Variants in CCNT2 observed in about 807,000 individuals in gnomAD.
The protein encoded by CCNT2 is cyclin T2.
Under a neutral mutation model 70.0 loss-of-function variants are expected in CCNT2, and 18 were observed. That is an observed-to-expected ratio of 0.26 (90% CI 0.18 to 0.38). The LOEUF (loss-of-function observed/expected upper bound fraction) is 0.38. CCNT2 is among the 10% of genes least tolerant of loss of function. The pLI, the probability that CCNT2 is intolerant of heterozygous loss-of-function variation, is 1.00. For missense variants in CCNT2, 734 were observed against 890.2 expected, an observed-to-expected ratio of 0.82 and a Z score of 2.23; for synonymous variants, 334 against 313.3, an observed-to-expected ratio of 1.07 and a Z score of -0.70.
chr2:134,946,655 C>T (rs1249567717), intron 6 of CCNT2, among the ~76,000 whole-genome samples: 1 of 149,914 alleles, frequency 6.7e-6, no homozygotes, highest in African/African-American at 2.5e-5. Context: ...CCTATCCATG[C>T]CTGGATTTGC....
chr2:134,945,118 TC>T, intron 5 of CCNT2: 2 of 985,422 alleles, frequency 2.0e-6, no homozygotes, highest in Non-Finnish European at 2.4e-6. Context: ...TTGACACTCT[TC>T]CTTAGCACAA....
At position 134,918,897 on chromosome 2, in the gene CCNT2, C is replaced by A. The variant is rs752702499; in HGVS notation, c.43C>A (p.Arg15=). 6.2e-7 allele frequency: 1 copy of A among 1,613,940 alleles called. No homozygotes were observed. Among genetic ancestry groups the A allele is most frequent in the East Asian group, 2.2e-5 (1 of 44,854 alleles). The change falls in exon 1 of 9, where the codon CGG becomes AGG. Residue 15 remains arginine (R), a synonymous_variant. Coordinates refer to ENST00000264157, the MANE Select transcript of CCNT2 (RefSeq NM_058241.3). ...AGCTTCTTCTCGCTGGTTCTTTACT[C>A]GGGAACAGCTGGAGAACACGCCGAG... The part of the protein sequence containing the change: ...RGASSRWFFT[R]EQLENTPSRR...
chr2:134,936,044 T>A (rs974345030), intron 2 of CCNT2, among the ~76,000 whole-genome samples: 52 of 152,114 alleles, frequency 3.4e-4, no homozygotes, highest in African/African-American at 1.2e-3. Flanking sequence ...GTGTGGTAGT[T>A]ATAGCCACAC....
At chr2:134,948,172 G>T (rs1682137385) in intron 7 of CCNT2, among the ~76,000 whole-genome samples, 1 of 151,908 alleles carries the variant, frequency 6.6e-6, no homozygotes, top group African/African-American at 2.4e-5. Flanking sequence ...GTTAAAAATT[G>T]ACTGGGTGTG....
Position 134,953,254 on chromosome 2 carries a change from A to C in CCNT2, c.799A>C (p.Lys267Gln). Residue 267 changes from lysine to glutamine, a missense_variant, in exon 9 of 9, where the codon AAA (lysine) becomes CAA (glutamine). By Grantham distance (53) the Lys-to-Gln change is moderately conservative. This residue lies in a region of CCNT2 where 161 missense variants were observed against 303.8 expected (regional missense o/e 0.53). Coordinates refer to ENST00000264157, the MANE Select transcript of CCNT2 (RefSeq NM_058241.3). Reference sequence around the variant, plus strand: ...GGCTAATCAGGCAGCTAGGAAACCAAAAGTAGATGGACAGGTATCAGAGAC... The same window carrying C: ...GGCTAATCAGGCAGCTAGGAAACCACAAGTAGATGGACAGGTATCAGAGAC... ...WRANQAARKPKVDGQVSETPL... is the reference protein window; with the variant it reads ...WRANQAARKPQVDGQVSETPL... The C allele has an allele frequency of 1.9e-6, 3 of 1,608,788 alleles. No homozygotes were observed. The highest frequency in any genetic ancestry group is 2.6e-6 in the Non-Finnish European group (3 of 1,175,442).
intron 5 of CCNT2, chr2:134,944,215 A>T: frequency 1.0e-6 from 1 of 979,406 alleles, no homozygotes; most frequent in Middle Eastern, 5.3e-4. Flanking sequence ...ATGCATAACT[A>T]GTTGTAGTTG....
chr2:134,945,400 T>A, intron 5 of CCNT2: 1 of 985,436 alleles, frequency 1.0e-6, no homozygotes, highest in South Asian at 4.7e-5. Context: ...GGAAAACTTT[T>A]CAGTGTCTTA....
At chr2:134,929,465 C>T (rs564295984) in intron 2 of CCNT2, among the ~76,000 whole-genome samples, 239 of 151,382 alleles carry the variant, frequency 1.6e-3, no homozygotes, top group Non-Finnish European at 2.7e-3. Flanking sequence ...AAAATTAGCC[C>T]GGCATCTTGG....
chr2:134,937,554 G>A (rs1424945483), intron 3 of CCNT2, among the ~76,000 whole-genome samples: 1 of 152,054 alleles, frequency 6.6e-6, no homozygotes, highest in Non-Finnish European at 1.5e-5. Context: ...TTATTTGAAA[G>A]AACTGTTTTA....
chr2:134,956,258 C>T lies in CCNT2; in HGVS notation c.*1610C>T, dbSNP rs917751024. The T allele has an allele frequency of 6.6e-6, 1 of 152,516 alleles. No individual in the cohort carries two copies. The highest frequency in any genetic ancestry group is 1.5e-5 in the Non-Finnish European group (1 of 67,996). 9.4% of individuals were successfully genotyped at this position (152,516 alleles called of 1,614,324 possible). On this transcript the variant is annotated 3_prime_UTR_variant, in exon 9 of 9. Coordinates refer to ENST00000264157, the MANE Select transcript of CCNT2 (RefSeq NM_058241.3). ...ATTAGAGTTTAATCTCATGCTCTAC[C>T]TTTATTTAGCAATTACCTAATTTGC... is the stretch of plus-strand genomic sequence containing the variant.
chr2:134,921,336 ACTT>A (rs1312318796), intron 2 of CCNT2, among the ~76,000 whole-genome samples: 1 of 150,260 alleles, frequency 6.7e-6, no homozygotes, highest in Non-Finnish European at 1.5e-5. Context: ...ACAAGTCTTC[ACTT>A]CTTTTATTTA....
At chr2:134,924,694 C>A (rs1343869933) in intron 2 of CCNT2, among the ~76,000 whole-genome samples, 2 of 152,306 alleles carry the variant, frequency 1.3e-5, no homozygotes, top group South Asian at 4.1e-4. Flanking sequence ...GTGATTCCCC[C>A]CACCTCGACC....
In CCNT2 at chr2:134,941,287, C is replaced by T. The variant is rs549660973; in HGVS notation, c.431-1325C>T. ...TTCCTCAGCCTACTCTGTATGGAGA[C>T]CTTTATGATGATCCACTTCCACTTA... On this transcript the variant is annotated intron_variant, in intron 4 of 8. Coordinates refer to ENST00000264157, the MANE Select transcript of CCNT2 (RefSeq NM_058241.3). Among the ~76,000 whole-genome samples the T allele has an allele frequency of 8.5e-5, 13 of 152,294 alleles. No homozygotes were observed. The East Asian group carries it at 2.5e-3, about 29-fold the overall frequency.
At chr2:134,919,189 G>A (rs1466075651) in intron 1 of CCNT2, among the ~76,000 whole-genome samples, 177 bp downstream of exon 1, 1 of 152,210 alleles carries the variant, frequency 6.6e-6, no homozygotes, top group African/African-American at 2.4e-5. Context: ...AAGGGAGGAG[G>A]AGATAGGACC....
At chr2:134,952,498 A>T (rs1462491606) in intron 7 of CCNT2, 143 bp from the exon 8 acceptor site, 7 of 470,852 alleles carry the variant, frequency 1.5e-5, no homozygotes, top group Non-Finnish European at 1.9e-5. Context: ...AGTTGTGTGT[A>T]CTTCTGTGTA....
rs1157108900 is a variant in CCNT2, at chr2:134,946,089, T to C, written c.494-12T>C. 2 of 1,612,332 alleles carry C rather than the reference T, an allele frequency of 1.2e-6. No individual in the cohort carries two copies. Among genetic ancestry groups the C allele is most frequent in the Non-Finnish European group, 1.7e-6 (2 of 1,179,880 alleles). On this transcript the variant is annotated splice_polypyrimidine_tract_variant and intron_variant, in intron 5 of 8. Transcript: ENST00000264157. ...TGATAGTATTGTCTTCGTTTTTTTT[T>C]TTTTCTTACAGCAAGCAAGGATTTG...
intron 7 of CCNT2, 51 bp from the exon 8 acceptor site, chr2:134,952,589 AT>A (rs1219418243): frequency 1.8e-6 from 2 of 1,138,062 alleles, no homozygotes; most frequent in African/African-American, 3.1e-5. Flanking sequence ...CTTAAGAGAA[AT>A]TTAAATCCTA....
intron 2 of CCNT2, among the ~76,000 whole-genome samples, chr2:134,931,201 AT>A (rs1680727136): frequency 7.5e-6 from 1 of 132,822 alleles, no homozygotes; most frequent in South Asian, 2.7e-4. Context: ...TGACCTCGTG[AT>A]TTGCCTGCCT....
intron 2 of CCNT2, among the ~76,000 whole-genome samples, chr2:134,931,262 C>CTTTTTTTTGTTTTTTTTTTTTTTTTTTTT (rs1680738931): frequency 2.4e-5 from 1 of 42,418 alleles, no homozygotes; most frequent in Non-Finnish European, 4.2e-5. Context: ...ATGCCCGGAT[C>CTTTTTTTTGTTTTTTTTTTTTTTTTTTTT]TTTTTTTTTT....
Sources: gnomAD v4.1 joint callset for allele counts (sites outside exome capture counted in the v4.1 genomes callset) on GRCh38, gnomAD v4.1.1 for gene constraint, gnomAD v4.1.1 regional missense constraint, MANE v1.5 for transcripts, NCBI Gene and HGNC (gene_info 2026-07-23, HGNC 2026-07-21) for gene names.